Variants in KCTD16 observed in about 807,000 individuals in gnomAD.
KCTD16 encodes BTB/POZ domain-containing protein KCTD16.
A neutral mutation model predicts 33.2 loss-of-function variants in KCTD16; 13 were observed. The observed-to-expected ratio is 0.39, with a 90% CI of 0.25 to 0.62. KCTD16 has a LOEUF of 0.62. Ranked by LOEUF, KCTD16 falls within the 20% of genes least tolerant of loss-of-function variation. The pLI is 0.50. For missense variants in KCTD16, 441 were observed against 525.1 expected, an observed-to-expected ratio of 0.84 and a Z score of 1.57; for synonymous variants, 197 against 195.3, an observed-to-expected ratio of 1.01 and a Z score of -0.07.
chr5:144,243,318 CAGA>C (rs1363401394), intron 3 of KCTD16, among the ~76,000 whole-genome samples: 1 of 152,136 alleles, frequency 6.6e-6, no homozygotes, highest in East Asian at 1.9e-4. Flanking sequence ...TGTACTCTTT[CAGA>C]AGAAGTCACT....
chr5:144,258,536 CAA>C (rs1211828326), intron 3 of KCTD16, among the ~76,000 whole-genome samples: 1 of 152,060 alleles, frequency 6.6e-6, no homozygotes, highest in East Asian at 1.9e-4. Flanking sequence ...TGACATAACA[CAA>C]GAGATGATAC....
intron 3 of KCTD16, among the ~76,000 whole-genome samples, chr5:144,359,990 A>C (rs1751668653): frequency 6.6e-6 from 1 of 152,152 alleles, no homozygotes; most frequent in Non-Finnish European, 1.5e-5. Flanking sequence ...CCATACCCAG[A>C]ATGTCTTCCC....
intron 3 of KCTD16, among the ~76,000 whole-genome samples, chr5:144,423,721 G>A (rs560263646): frequency 5.3e-4 from 80 of 152,248 alleles, no homozygotes; most frequent in Non-Finnish European, 8.5e-4. Flanking sequence ...AGACAAGTAG[G>A]TAGATTCTTA....
chr5:144,172,451 A>G (rs950350864), intron 1 of KCTD16, among the ~76,000 whole-genome samples: 20 of 152,248 alleles, frequency 1.3e-4, no homozygotes, highest in Non-Finnish European at 1.9e-4. Context: ...ATTTTGAACT[A>G]TACAATAAAT....
chr5:144,344,523 C>A (rs1251935147), intron 3 of KCTD16, among the ~76,000 whole-genome samples: 2 of 151,722 alleles, frequency 1.3e-5, no homozygotes, highest in South Asian at 2.1e-4. Flanking sequence ...AAACAAACAA[C>A]CCCATCAAAA....
At chr5:144,238,858 A>G (rs1327290314) in intron 3 of KCTD16, among the ~76,000 whole-genome samples, 1 of 152,186 alleles carries the variant, frequency 6.6e-6, no homozygotes, top group African/African-American at 2.4e-5. Flanking sequence ...ATTGCTAGGC[A>G]CTAGGGATAC....
chr5:144,185,483 C>CT (rs1561522041), intron 2 of KCTD16, among the ~76,000 whole-genome samples: 2 of 152,052 alleles, frequency 1.3e-5, no homozygotes, highest in African/African-American at 4.8e-5. Flanking sequence ...CAAATCACAT[C>CT]TTTTTTGGCT....
At chr5:144,250,637 G>C (rs539419958) in intron 3 of KCTD16, among the ~76,000 whole-genome samples, 63 of 152,288 alleles carry the variant, frequency 4.1e-4, no homozygotes, top group Admixed American at 1.6e-3. Flanking sequence ...ATGCAGCCTA[G>C]AGTGTATGGT....
rs186343651 is a variant in KCTD16, at chr5:144,312,455, T to C, written c.832+104909T>C. On this transcript the variant is annotated intron_variant, in intron 3 of 3. Coordinates refer to ENST00000512467, the MANE Select transcript of KCTD16 (RefSeq NM_020768.4). ...CTAAGCCCCTCCTATATAGAAATTC[T>C]GGAGCTGCCTGTACTTGTGGAAGGA... Among the ~76,000 whole-genome samples, 69 of 152,318 alleles carry C rather than the reference T, an allele frequency of 4.5e-4. No individual in the cohort carries two copies. The East Asian group carries it at 0.013, about 29-fold the overall frequency.
At chr5:144,470,362 T>C (rs1450180340) in intron 3 of KCTD16, among the ~76,000 whole-genome samples, 2 of 152,136 alleles carry the variant, frequency 1.3e-5, no homozygotes, top group East Asian at 3.9e-4. Context: ...CAGACAGTGC[T>C]CCTAGAAAAG....
chr5:144,451,947 A>C (rs1345129931), intron 3 of KCTD16, among the ~76,000 whole-genome samples: 1 of 152,078 alleles, frequency 6.6e-6, no homozygotes, highest in Admixed American at 6.6e-5. Flanking sequence ...GGAGGGAAAG[A>C]AATTACATTT....
chr5:144,244,842 C>T (rs897855974), intron 3 of KCTD16, among the ~76,000 whole-genome samples: 10 of 152,032 alleles, frequency 6.6e-5, no homozygotes, highest in Admixed American at 2.6e-4. Flanking sequence ...GTAACAAATC[C>T]CCTCCTAGGA....
rs77616925 is a variant in KCTD16 at position 144,442,233 on chromosome 5, G to A, written c.833-31427G>A. On this transcript the variant is annotated intron_variant, in intron 3 of 3. Transcript: ENST00000512467. Reference sequence around the variant, plus strand: ...AGTGTTTAAGCCCTTTGTGCTAGCAGGGTTTCAGCTTCTGTTGATGTGTCT... The same window carrying A: ...AGTGTTTAAGCCCTTTGTGCTAGCAAGGTTTCAGCTTCTGTTGATGTGTCT... Among the ~76,000 whole-genome samples, 922 of 152,164 alleles carry A rather than the reference G, an allele frequency of 6.1e-3. 8 individuals are homozygous for A. Among genetic ancestry groups the A allele is most frequent in the African/African-American group, 0.021 (886 of 41,554 alleles).
chr5:144,334,029 A>G (rs1752420726), intron 3 of KCTD16, among the ~76,000 whole-genome samples: 1 of 152,202 alleles, frequency 6.6e-6, no homozygotes, highest in Non-Finnish European at 1.5e-5. Context: ...ACTTTACTAA[A>G]CATACAACTC....
At chr5:144,318,493 G>T (rs997445053) in intron 3 of KCTD16, among the ~76,000 whole-genome samples, 2 of 152,192 alleles carry the variant, frequency 1.3e-5, no homozygotes, top group Non-Finnish European at 2.9e-5. Flanking sequence ...GATTCTTAGG[G>T]TGCCACAGCA....
intron 3 of KCTD16, among the ~76,000 whole-genome samples, chr5:144,275,151 C>T (rs970388543): frequency 2.0e-5 from 3 of 152,096 alleles, no homozygotes; most frequent in Non-Finnish European, 4.4e-5. Flanking sequence ...CATAATACAC[C>T]TCCATAAAGG....
At chr5:144,327,902 C>T (rs190158780) in intron 3 of KCTD16, among the ~76,000 whole-genome samples, 101 of 152,106 alleles carry the variant, frequency 6.6e-4, no homozygotes, top group Admixed American at 1.7e-3. Context: ...GTGAAGAATC[C>T]CTGGTGAACA....
chr5:144,244,673 T>G (rs989151655), intron 3 of KCTD16, among the ~76,000 whole-genome samples: 1 of 152,208 alleles, frequency 6.6e-6, no homozygotes, highest in African/African-American at 2.4e-5. Flanking sequence ...GAGATCTCTA[T>G]TTTTAGATAT....
intron 3 of KCTD16, among the ~76,000 whole-genome samples, chr5:144,275,543 T>C (rs1755415724): frequency 6.6e-6 from 1 of 152,198 alleles, no homozygotes; most frequent in Non-Finnish European, 1.5e-5. Context: ...CAGATCCCCA[T>C]GGCAACAACA....
Sources: gnomAD v4.1 joint callset for allele counts (sites outside exome capture counted in the v4.1 genomes callset) on GRCh38, gnomAD v4.1.1 for gene constraint, MANE v1.5 for transcripts, NCBI Gene and HGNC (gene_info 2026-07-23, HGNC 2026-07-21) for gene names.